DOT1L: variants seen among roughly 807,000 people sequenced by gnomAD.
DOT1L encodes the protein DOT1 like histone lysine methyltransferase, also known as histone-lysine N-methyltransferase, H3 lysine-79 specific.
Under a neutral mutation model 153.3 loss-of-function variants are expected in DOT1L, and 33 were observed. That is an observed-to-expected ratio of 0.22 (90% CI 0.16 to 0.29). The LOEUF is 0.29. DOT1L is among the 10% of genes least tolerant of loss of function. DOT1L has a pLI of 1.00. For synonymous variants in DOT1L, 1,135 were observed against 965.1 expected, an observed-to-expected ratio of 1.18 and a Z score of -3.26; for missense variants, 1,847 against 2,119.9, an observed-to-expected ratio of 0.87 and a Z score of 2.53.
chr19:2,178,559 G>A lies in DOT1L; in HGVS notation c.82-2154G>A, dbSNP rs990256685. Reference sequence around the variant, plus strand: ...CTGCCTCCCGAGTAGCTGGACTACAGGCACCCGTCACTACGCCTGGCTAAC... The same window carrying A: ...CTGCCTCCCGAGTAGCTGGACTACAAGCACCCGTCACTACGCCTGGCTAAC... On this transcript the variant is annotated intron_variant, in intron 1 of 27. Transcript: ENST00000398665. 2.0e-5 allele frequency among the ~76,000 whole-genome samples: 3 copies of A among 151,826 alleles called. No individual in the cohort carries two copies. In the East Asian group the frequency reaches 5.8e-4, roughly 29 times the overall value.
chr19:2,202,891 T>C (rs529435219), intron 9 of DOT1L, 112 bp downstream of exon 9: 76 of 1,003,800 alleles, frequency 7.6e-5, no homozygotes, highest in African/African-American at 6.6e-4. Flanking sequence ...GGGTCTTCAG[T>C]CCCCTTGGAG....
rs1348558542 is a variant in DOT1L, at chr19:2,207,924, T to G, written c.963+244T>G. On this transcript the variant is annotated intron_variant, in intron 11 of 27. Coordinates refer to ENST00000398665, the MANE Select transcript of DOT1L (RefSeq NM_032482.3). The surrounding 1 kb of genome is among the most constrained non-coding windows in gnomAD (Gnocchi z 4.5). ...GGTGAGGGCTGAGTGCTGTCTCCCC[T>G]AGTCTACGCTCAGCTCCTGGGGTGG... Among the ~76,000 whole-genome samples the G allele has an allele frequency of 6.6e-6, 1 of 151,876 alleles. No individual in the cohort carries two copies. The highest frequency in any genetic ancestry group is 1.5e-5 in the Non-Finnish European group (1 of 67,894).
In DOT1L at chr19:2,200,395, C is replaced by T. The variant is rs78453167; in HGVS notation, c.707+456C>T. ...TCTGCACTGCCTGGGCTTGCCCCTC[C>T]GCGCCACCTCGCACCCAGGCCTGGG... is the stretch of plus-strand genomic sequence containing the variant. On this transcript the variant is annotated intron_variant, in intron 8 of 27. Coordinates refer to ENST00000398665, the MANE Select transcript of DOT1L (RefSeq NM_032482.3). 3.5e-3 allele frequency among the ~76,000 whole-genome samples: 540 copies of T among 152,326 alleles called. 1 individual carries two copies. The highest frequency in any genetic ancestry group is 0.012 in the African/African-American group (508 of 41,570).
chr19:2,200,091 A>C, intron 8 of DOT1L, 152 bp downstream of exon 8: 2 of 1,015,830 alleles, frequency 2.0e-6, no homozygotes, highest in Non-Finnish European at 2.8e-6. Flanking sequence ...CCTTTCCCTC[A>C]CGCTGGGTCT....
intron 19 of DOT1L, chr19:2,216,050 T>C: frequency 7.6e-6 from 4 of 527,450 alleles, no homozygotes; most frequent in Middle Eastern, 4.9e-4. Flanking sequence ...TTGCTCTTTT[T>C]GAAGAAGGTG....
At chr19:2,167,324 G>T (rs2019960309) in intron 1 of DOT1L, among the ~76,000 whole-genome samples, 1 of 152,244 alleles carries the variant, frequency 6.6e-6, no homozygotes. Context: ...TGGGGTAGTG[G>T]TCTTGCCAGG....
rs1434433338 is a variant in DOT1L, at chr19:2,166,035, G to T, written c.81+1770G>T. ...TCCACCCACCTCGGCCTCCCAAAGT[G>T]CTGGGATTACAGGTGTGAGCCACCG... On this transcript the variant is annotated intron_variant, in intron 1 of 27. Coordinates refer to ENST00000398665, the MANE Select transcript of DOT1L (RefSeq NM_032482.3). Among the ~76,000 whole-genome samples the T allele has an allele frequency of 2.2e-4, 34 of 152,224 alleles. No individual in the cohort carries two copies. In the East Asian group the frequency reaches 5.2e-3, roughly 23 times the overall value.
chr19:2,208,709 G>T lies in DOT1L; in HGVS notation c.964-226G>T, dbSNP rs1175652776. On this transcript the variant is annotated intron_variant, in intron 11 of 27. Transcript: ENST00000398665. This position sits in a 1 kb window ranked among gnomAD's most constrained non-coding sequence, Gnocchi z 4.4. Reference sequence around the variant, plus strand: ...TGTTCTGAAGGCTTAAACCAGCCCCGCCCACCCGTCGCGTGCTGGTGAATT... The same window carrying T: ...TGTTCTGAAGGCTTAAACCAGCCCCTCCCACCCGTCGCGTGCTGGTGAATT... 6.6e-6 allele frequency among the ~76,000 whole-genome samples: 1 copy of T among 152,092 alleles called. No individual in the cohort carries two copies. Among genetic ancestry groups the T allele is most frequent in the African/African-American group, 2.4e-5 (1 of 41,434 alleles).
In DOT1L at chr19:2,211,162, C is replaced by G; in HGVS notation, c.1415C>G (p.Pro472Arg). The G allele has an allele frequency of 6.2e-7, 1 of 1,612,672 alleles. No homozygotes were observed. Among genetic ancestry groups the G allele is most frequent in the Non-Finnish European group, 8.5e-7 (1 of 1,179,640 alleles). ...CCTCCGAGCGTGCAGCGGCACTCCC[C>G]CAACCCGCTGCTGGTGGCGCCCACC... ...QLPPSVQRHSPNPLLVAPTPP... is the reference protein window; with the variant it reads ...QLPPSVQRHSRNPLLVAPTPP... Residue 472 changes from proline (P) to arginine (R), a missense_variant, in exon 15 of 28, where the codon CCC becomes CGC. Around this residue, in one of 8 missense-constraint regions of DOT1L, gnomAD observed 205 missense variants for 203.1 expected, o/e 1.01. Coordinates refer to ENST00000398665, the MANE Select transcript of DOT1L (RefSeq NM_032482.3).
At chr19:2,173,624 C>T (rs1428078515) in intron 1 of DOT1L, among the ~76,000 whole-genome samples, 1 of 152,226 alleles carries the variant, frequency 6.6e-6, no homozygotes, top group Non-Finnish European at 1.5e-5. Flanking sequence ...TCCGACCACC[C>T]TTCAAGCCCA....
chr19:2,210,589 G>C, intron 13 of DOT1L, 32 bp from the exon 14 acceptor site: 2 of 1,605,652 alleles, frequency 1.2e-6, no homozygotes, highest in Non-Finnish European at 1.7e-6. Flanking sequence ...GAGGCTCTGT[G>C]CCCATCCCTG....
At chr19:2,180,653 A>C in intron 1 of DOT1L, 60 bp from the exon 2 acceptor site, 1 of 1,602,170 alleles carries the variant, frequency 6.2e-7, no homozygotes, top group Non-Finnish European at 8.5e-7. Flanking sequence ...CCGGGAAGAG[A>C]GCGATGGGCT....
At chr19:2,192,326 CTGTT>C (rs1396530681) in intron 5 of DOT1L, among the ~76,000 whole-genome samples, 1 of 152,176 alleles carries the variant, frequency 6.6e-6, no homozygotes, top group African/African-American at 2.4e-5. Context: ...GATCCCACTT[CTGTT>C]TATTTATTTA....
At chr19:2,202,032 C>A (rs2023307983) in intron 8 of DOT1L, among the ~76,000 whole-genome samples, 1 of 152,158 alleles carries the variant, frequency 6.6e-6, no homozygotes, top group Non-Finnish European at 1.5e-5. Context: ...ACCCAGTTAC[C>A]CAGGTCTTTC....
chr19:2,165,875 TCTC>T (rs1474790472), intron 1 of DOT1L, among the ~76,000 whole-genome samples: 6 of 151,546 alleles, frequency 4.0e-5, no homozygotes, highest in African/African-American at 1.5e-4. Flanking sequence ...TTCACGCCAT[TCTC>T]CTGCCTCAGC....
At position 2,228,644 on chromosome 19, in the gene DOT1L, G is replaced by C. The variant is rs374177657; in HGVS notation, c.4607-1141G>C. 951 of 985,398 alleles carry C rather than the reference G, an allele frequency of 9.7e-4. 9 individuals are homozygous for C. The African/African-American group carries it at 0.015, about 16-fold the overall frequency. 61.0% of individuals were successfully genotyped at this position (985,398 alleles called of 1,614,324 possible). On this transcript the variant is annotated intron_variant, in intron 27 of 27. Transcript: ENST00000398665. Reference sequence around the variant, plus strand: ...CGCCGCAGGACTGAGGCCAGCCCTGGGGGCAGCTGTGCCAGCCCCTGTGGG... The same window carrying C: ...CGCCGCAGGACTGAGGCCAGCCCTGCGGGCAGCTGTGCCAGCCCCTGTGGG...
chr19:2,199,376 T>C (rs1182543075), intron 7 of DOT1L, among the ~76,000 whole-genome samples: 8 of 152,218 alleles, frequency 5.3e-5, no homozygotes, highest in Non-Finnish European at 8.8e-5. Flanking sequence ...AGCTCGGCGC[T>C]AGGCTTTCTC....
chr19:2,207,744 C>T lies in DOT1L; in HGVS notation c.963+64C>T, dbSNP rs955439793. On this transcript the variant is annotated intron_variant, in intron 11 of 27. Coordinates refer to ENST00000398665, the MANE Select transcript of DOT1L (RefSeq NM_032482.3). The surrounding 1 kb of genome is among the most constrained non-coding windows in gnomAD (Gnocchi z 4.5). ...GGTCTTCCACCCCGCCCACGTCACA[C>T]TGCTCTCTCCTTTCTCATGTGGCCT... 17 of 1,402,514 alleles carry T rather than the reference C, an allele frequency of 1.2e-5. No homozygotes were observed. In the Admixed American group the frequency reaches 2.9e-4, roughly 24 times the overall value. 86.9% of individuals were successfully genotyped at this position (1,402,514 alleles called of 1,614,324 possible).
At chr19:2,202,888 C>A in intron 9 of DOT1L, 109 bp downstream of exon 9, 3 of 1,060,112 alleles carry the variant, frequency 2.8e-6, no homozygotes, top group Middle Eastern at 2.4e-4. Context: ...TTGGGGTCTT[C>A]AGTCCCCTTG....
Sources: gnomAD v4.1 joint callset for allele counts (sites outside exome capture counted in the v4.1 genomes callset) on GRCh38, gnomAD v4.1.1 for gene constraint, gnomAD v4.1.1 regional missense constraint, Gnocchi (gnomAD v3.1) non-coding constraint, MANE v1.5 for transcripts, NCBI Gene and HGNC (gene_info 2026-07-23, HGNC 2026-07-21) for gene names.